ALKAL2: variants seen among roughly 807,000 people sequenced by gnomAD.
ALKAL2 encodes the protein AUG-alpha.
A neutral mutation model predicts 18.5 loss-of-function variants in ALKAL2; 8 were observed. That is an observed-to-expected ratio of 0.43 (90% CI 0.25 to 0.78). The LOEUF is 0.78. ALKAL2 is among the 30% of genes least tolerant of loss of function. The pLI, the probability that ALKAL2 is intolerant of heterozygous loss-of-function variation, is 0.22. For missense variants in ALKAL2, 241 were observed against 211.2 expected (o/e 1.14, Z -0.88); for synonymous variants, 135 against 95.8 (o/e 1.41, Z -2.39).
intron 2 of ALKAL2, 31 bp downstream of exon 2, chr2:287,552 C>T: frequency 1.2e-5 from 16 of 1,355,136 alleles, no homozygotes; most frequent in Non-Finnish European, 1.5e-5. Flanking sequence ...CCCAGCAGCC[C>T]CGGCCCTCGG....
chr2:280,671 A>G (rs1670310416), intron 5 of ALKAL2, among the ~76,000 whole-genome samples: 1 of 152,230 alleles, frequency 6.6e-6, no homozygotes, highest in African/African-American at 2.4e-5. Flanking sequence ...TCAAAACTCC[A>G]TTTCTTTGAC....
chr2:281,026 C>A (rs752415265), intron 5 of ALKAL2, among the ~76,000 whole-genome samples: 5 of 152,206 alleles, frequency 3.3e-5, no homozygotes, highest in Admixed American at 6.5e-5. Flanking sequence ...CACCGTCACA[C>A]GAGTGTGGGC....
chr2:280,885 GC>G (rs1558267133), intron 5 of ALKAL2, among the ~76,000 whole-genome samples: 1 of 152,248 alleles, frequency 6.6e-6, no homozygotes, highest in Non-Finnish European at 1.5e-5. Flanking sequence ...CTTTTCTCAG[GC>G]TCTGGGCCTT....
Position 287,657 on chromosome 2 carries a change from T to C in ALKAL2, c.179A>G (p.Gln60Arg). 6.7e-6 allele frequency: 10 copies of C among 1,484,092 alleles called. No homozygotes were observed. Among genetic ancestry groups the C allele is most frequent in the Non-Finnish European group, 8.9e-6 (10 of 1,123,588 alleles). 91.9% of individuals were successfully genotyped at this position (1,484,092 alleles called of 1,614,324 possible). A position where few individuals can be genotyped will look rare whatever the true frequency, so the allele number is the denominator to read the frequency against. The change falls in exon 2 of 6, where the codon CAG becomes CGG. Residue 60 changes from glutamine to arginine, a missense_variant. Physicochemically the swap from Gln to Arg is conservative, Grantham distance 43 (BLOSUM62 1). Coordinates refer to ENST00000403610, the MANE Select transcript of ALKAL2 (RefSeq NM_001002919.3). ...KHHSAEHKGLQLLGRDCALGR... is the reference protein window; with the variant it reads ...KHHSAEHKGLRLLGRDCALGR... ...CAGGGCGCAGTCCCGCCCGAGGAGC[T>C]GCAGGCCCTTGTGCTCCGCCGAGTG...
rs755268677 is a variant in ALKAL2, at chr2:286,305, G to A, written c.292C>T (p.Leu98=). ...GAAAACTTACCTGTAAGGTGTTTTA[G>A]AAACTTGTCCTTCATCCTCAGATCT... is the stretch of plus-strand genomic sequence containing the variant. ...PRDLRMKDKF[L]KHLTGPLYFS... The change falls in exon 3 of 6, where the codon CTA becomes TTA. Residue 98 remains leucine (L), a synonymous_variant. Coordinates refer to ENST00000403610, the MANE Select transcript of ALKAL2 (RefSeq NM_001002919.3). 2.5e-6 allele frequency: 4 copies of A among 1,612,898 alleles called. No individual in the cohort carries two copies. Among genetic ancestry groups the A allele is most frequent in the Non-Finnish European group, 3.4e-6 (4 of 1,179,404 alleles).
chr2:287,861 G>C lies in ALKAL2; in HGVS notation c.-26C>G. On this transcript the variant is annotated 5_prime_UTR_variant, in exon 2 of 6. Transcript: ENST00000403610. ...CGTGCGCTCGGGGCCGCGGGGCTGG[G>C]AGACTCCGACACGCGCCGAGAGCTG... is the stretch of plus-strand genomic sequence containing the variant. 12 of 1,280,692 alleles carry C rather than the reference G, an allele frequency of 9.4e-6. No homozygotes were observed. The highest frequency in any genetic ancestry group is 9.8e-6 in the Non-Finnish European group (10 of 1,020,494). 79.3% of individuals were successfully genotyped at this position (1,280,692 alleles called of 1,614,324 possible). A position where few individuals can be genotyped will look rare whatever the true frequency, so the allele number is the denominator to read the frequency against.
At chr2:282,573 G>A (rs1178877613) in intron 5 of ALKAL2, among the ~76,000 whole-genome samples, 1 of 152,086 alleles carries the variant, frequency 6.6e-6, no homozygotes, top group Non-Finnish European at 1.5e-5. Context: ...AGGGGCCAAG[G>A]TGCAAAGTTT....
At chr2:284,703 T>C (rs1415090465) in intron 4 of ALKAL2, among the ~76,000 whole-genome samples, 1 of 152,214 alleles carries the variant, frequency 6.6e-6, no homozygotes, top group Non-Finnish European at 1.5e-5. Flanking sequence ...AGATCTGTGC[T>C]TTAGCTTTGC....
At position 287,910 on chromosome 2, in the gene ALKAL2, CG is replaced by C; in HGVS notation, c.-57-19del. On this transcript the variant is annotated intron_variant, in intron 1 of 5. Transcript: ENST00000403610. ...TGGGCTCGCTGCGAGAGAAGGGGCG[CG>C]GGGGGCCGGAGAGAAAGTCAGCGGG... 4 of 1,022,026 alleles carry C rather than the reference CG, an allele frequency of 3.9e-6. No individual in the cohort carries two copies. Among genetic ancestry groups the C allele is most frequent in the Non-Finnish European group, 4.7e-6 (4 of 856,552 alleles). The allele number at this position is 1,022,026 out of a possible 1,614,324, so 63.3% of individuals were successfully genotyped here.
Position 280,171 on chromosome 2 carries a change from C to T in ALKAL2, c.454-19G>A, listed in dbSNP as rs113471627. 3.5e-5 allele frequency: 56 copies of T among 1,613,740 alleles called. No homozygotes were observed. The highest frequency in any genetic ancestry group is 1.9e-4 in the African/African-American group (14 of 74,896). On this transcript the variant is annotated intron_variant, in intron 5 of 5. Transcript: ENST00000403610. ...CTCACTGCTGAAAACAAATACATTGCGTGTGATATGACTATCCACACTTCT... is the reference window on the plus strand; with the variant it reads ...CTCACTGCTGAAAACAAATACATTGTGTGTGATATGACTATCCACACTTCT...
At position 287,701 on chromosome 2, in the gene ALKAL2, G is replaced by A. The variant is rs1414367919; in HGVS notation, c.135C>T (p.Val45=). 3 of 1,479,384 alleles carry A rather than the reference G, an allele frequency of 2.0e-6. No homozygotes were observed. The highest frequency in any genetic ancestry group is 1.5e-5 in the African/African-American group (1 of 68,352). The allele number at this position is 1,479,384 out of a possible 1,614,324, so 91.6% of individuals were successfully genotyped here. ...CCGAGTGGTGCTTCCGCAGCTCCTG[G>A]ACGAGTTCCACCACCAGCCGCAGCA... The part of the protein sequence containing the change: ...QALLRLVVEL[V]QELRKHHSAE... The change falls in exon 2 of 6, where the codon GTC becomes GTT. Residue 45 remains valine, a synonymous_variant. Coordinates refer to ENST00000403610, the MANE Select transcript of ALKAL2 (RefSeq NM_001002919.3).
rs375177950 is a variant in ALKAL2, at chr2:282,037, T to C, written c.453+1074A>G. On this transcript the variant is annotated intron_variant, in intron 5 of 5. Transcript: ENST00000403610. The stretch of plus-strand genomic sequence containing the variant: ...TGCAGTGAAACTGTGCAAAATGCAG[T>C]CTCAACCCGCCATTACCCACTGGCC... Among the ~76,000 whole-genome samples, 15 of 152,230 alleles carry C rather than the reference T, an allele frequency of 9.9e-5. No individual in the cohort carries two copies. The East Asian group carries it at 2.1e-3, about 22-fold the overall frequency.
rs371520733 is a variant in ALKAL2, at chr2:283,192, T to C, written c.389-17A>G. On this transcript the variant is annotated splice_polypyrimidine_tract_variant and intron_variant, in intron 4 of 5. Transcript: ENST00000403610. ...TTTTATAGTCTACGGTGAAAATATA[T>C]CAGACTCTTGTCAGTTACTTAAAAA... 19 of 1,609,370 alleles carry C rather than the reference T, an allele frequency of 1.2e-5. No homozygotes were observed. The highest frequency in any genetic ancestry group is 2.7e-5 in the African/African-American group (2 of 74,310).
chr2:283,582 C>T (rs1270534447), intron 4 of ALKAL2: 1 of 985,316 alleles, frequency 1.0e-6, no homozygotes, highest in Non-Finnish European at 1.2e-6. Flanking sequence ...ACAAAGCCTT[C>T]TGCCTGTAAA....
intron 5 of ALKAL2, among the ~76,000 whole-genome samples, chr2:282,791 G>A (rs1231811861): frequency 6.6e-6 from 1 of 152,244 alleles, no homozygotes; most frequent in Non-Finnish European, 1.5e-5. Context: ...ATGCCTCGAA[G>A]TAAACGGACA....
chr2:286,421 G>T (rs1670511091), intron 2 of ALKAL2, 78 bp from the exon 3 acceptor site: 3 of 1,147,008 alleles, frequency 2.6e-6, no homozygotes, highest in South Asian at 2.8e-5. Context: ...GAATGTTGAA[G>T]AAAATTGGAG....
intron 5 of ALKAL2, among the ~76,000 whole-genome samples, chr2:281,886 T>C (rs10193373): frequency 0.37 from 56,005 of 152,098 alleles, 10,590 homozygotes; most frequent in East Asian, 0.62. Flanking sequence ...AAAGTCTGTG[T>C]GACACATAGG....
intron 5 of ALKAL2, among the ~76,000 whole-genome samples, chr2:282,687 T>G (rs1167870980): frequency 6.6e-6 from 1 of 152,238 alleles, no homozygotes; most frequent in Non-Finnish European, 1.5e-5. Context: ...CTTTATGAGC[T>G]TATGACTACA....
chr2:287,706 G>A lies in ALKAL2; in HGVS notation c.130C>T (p.Leu44Phe), dbSNP rs1187005670. Residue 44 changes from leucine (L) to phenylalanine (F), a missense_variant, in exon 2 of 6, where the codon CTC becomes TTC. Physicochemically the swap from Leu to Phe is conservative, Grantham distance 22. Coordinates refer to ENST00000403610, the MANE Select transcript of ALKAL2 (RefSeq NM_001002919.3). The stretch of plus-strand genomic sequence containing the variant: ...TGGTGCTTCCGCAGCTCCTGGACGA[G>A]TTCCACCACCAGCCGCAGCAGCGCC... ...GQALLRLVVE[L>F]VQELRKHHSA... 8.8e-6 allele frequency: 13 copies of A among 1,477,926 alleles called. No individual in the cohort carries two copies. The highest frequency in any genetic ancestry group is 1.3e-5 in the South Asian group (1 of 78,000). The allele number at this position is 1,477,926 out of a possible 1,614,324, so 91.6% of individuals were successfully genotyped here.
Sources: allele counts gnomAD v4.1 joint callset (sites outside exome capture counted in the v4.1 genomes callset), GRCh38; gene constraint gnomAD v4.1.1; transcripts MANE v1.5; gene names NCBI Gene and HGNC (gene_info 2026-07-23, HGNC 2026-07-21).